The following CELSR1 variants were observed in gnomAD, a reference collection of about 807,000 sequenced individuals.
The protein encoded by CELSR1 is cadherin EGF LAG seven-pass G-type receptor 1, also known as adhesion G protein-coupled receptor C1.
In CELSR1, 110 loss-of-function variants were observed where a neutral mutation model predicts 249.1. That is an observed-to-expected ratio of 0.44 (90% CI 0.38 to 0.52). The LOEUF (loss-of-function observed/expected upper bound fraction) is 0.52, where lower values mean the gene tolerates loss of function less well. Among genes scored for constraint, CELSR1 ranks in the 20% least tolerant of loss-of-function variants. The probability of loss-of-function intolerance (pLI) is 0.00; values close to 1 mark genes in which losing one functional copy is unlikely to be tolerated. For missense variants in CELSR1, 4,109 were observed against 4,296.4 expected (o/e 0.96, Z 1.22); for synonymous variants, 2,113 against 1,900.0 (o/e 1.11, Z -2.92).
chr22:46,486,684 A>G (rs548863315), intron 1 of CELSR1, among the ~76,000 whole-genome samples: 22 of 152,128 alleles, frequency 1.4e-4, no homozygotes, highest in Admixed American at 1.2e-3. Context: ...CTCTACTAAA[A>G]ATACAAAAAT....
At chr22:46,483,372 A>C (rs1234288978) in intron 1 of CELSR1, among the ~76,000 whole-genome samples, 2 of 143,478 alleles carry the variant, frequency 1.4e-5, no homozygotes, top group Non-Finnish European at 3.0e-5. Flanking sequence ...TTATGGAAAC[A>C]TGCTATTCCT....
At chr22:46,387,120 C>T (rs2079042136) in intron 18 of CELSR1, among the ~76,000 whole-genome samples, 1 of 152,110 alleles carries the variant, frequency 6.6e-6, no homozygotes, top group South Asian at 2.1e-4. Context: ...TTACTAAGCT[C>T]ACAAAGTATA....
rs372172428 is a variant in CELSR1 at position 46,493,820 on chromosome 22, C to CT, written c.3545-29476dup. 4.2e-3 allele frequency among the ~76,000 whole-genome samples: 644 copies of CT among 152,282 alleles called. 2 individuals carry two copies. The highest frequency in any genetic ancestry group is 7.5e-3 in the Non-Finnish European group (508 of 68,024). The stretch of plus-strand genomic sequence containing the variant: ...AAGATGTGACTTTGATCCTCCTTTG[C>CT]TTTCCACCATGATTGTGAGGCCTCC... On this transcript the variant is annotated intron_variant, in intron 1 of 34. Coordinates refer to ENST00000674500, the MANE Select transcript of CELSR1 (RefSeq NM_001378328.1).
At position 46,412,403 on chromosome 22, in the gene CELSR1, T is replaced by C. The variant is rs1214535742; in HGVS notation, c.4612-644A>G. Among the ~76,000 whole-genome samples, 1 of 152,042 alleles carries C rather than the reference T, an allele frequency of 6.6e-6. No homozygotes were observed. The highest frequency in any genetic ancestry group is 1.5e-5 in the Non-Finnish European group (1 of 68,004). ...ACCCGCTTCTGCTCTTCTGGGGGTG[T>C]CCTCCTGACCACGGCACCTGGCCAG... On this transcript the variant is annotated intron_variant, in intron 5 of 34. Coordinates refer to ENST00000674500, the MANE Select transcript of CELSR1 (RefSeq NM_001378328.1). This position sits in a 1 kb window ranked among gnomAD's most constrained non-coding sequence, Gnocchi z 4.5.
chr22:46,365,083 C>A, intron 32 of CELSR1, 148 bp downstream of exon 32: 11 of 1,181,606 alleles, frequency 9.3e-6, no homozygotes, highest in Non-Finnish European at 1.3e-5. Context: ...GGGAGCCCAA[C>A]CAGAGTCCCC....
chr22:46,433,339 G>A lies in CELSR1; in HGVS notation c.4611+54C>T. ...CGTGAGCCACTGCGCCTCGCCCCAGGGCACCTTCTCGAGCCGCCCTGGGGC... is the reference window on the plus strand; with the variant it reads ...CGTGAGCCACTGCGCCTCGCCCCAGAGCACCTTCTCGAGCCGCCCTGGGGC... On this transcript the variant is annotated intron_variant, in intron 5 of 34. Coordinates refer to ENST00000674500, the MANE Select transcript of CELSR1 (RefSeq NM_001378328.1). The surrounding 1 kb of genome is among the most constrained non-coding windows in gnomAD (Gnocchi z 5.7). 1.4e-6 allele frequency: 2 copies of A among 1,430,410 alleles called. No homozygotes were observed. The highest frequency in any genetic ancestry group is 1.9e-6 in the Non-Finnish European group (2 of 1,025,900). 88.6% of individuals were successfully genotyped at this position (1,430,410 alleles called of 1,614,324 possible).
Position 46,439,208 on chromosome 22 carries a change from G to A in CELSR1, c.4387C>T (p.His1463Tyr). 1 of 1,613,708 alleles carries A rather than the reference G, an allele frequency of 6.2e-7. No homozygotes were observed. The highest frequency in any genetic ancestry group is 8.5e-7 in the Non-Finnish European group (1 of 1,179,696). Residue 1463 changes from histidine to tyrosine, a missense_variant, in exon 3 of 35, where the codon CAC (histidine) becomes TAC (tyrosine). Physicochemically the swap from His to Tyr is moderately conservative, Grantham distance 83. This residue lies in a region of CELSR1 where 453 missense variants were observed against 492.0 expected (regional missense o/e 0.92). Transcript: ENST00000674500. ...ACTCACGTGAGGGAGATGGTGAAGT[G>A]GAAGCGCTGTCTCAGGCCCCGGAAG... ...VTFRGLRQRFHFTISLTFATQ... is the reference protein window; with the variant it reads ...VTFRGLRQRFYFTISLTFATQ...
chr22:46,468,074 C>T lies in CELSR1; in HGVS notation c.3545-3729G>A, dbSNP rs1413932487. ...AAACATGGAAGTGACCTGCGTCCAC[C>T]GACAGATTAACGGATTAAAACAATG... On this transcript the variant is annotated intron_variant, in intron 1 of 34. Coordinates refer to ENST00000674500, the MANE Select transcript of CELSR1 (RefSeq NM_001378328.1). This position sits in a 1 kb window ranked among gnomAD's most constrained non-coding sequence, Gnocchi z 4.5. Among the ~76,000 whole-genome samples, 1 of 152,040 alleles carries T rather than the reference C, an allele frequency of 6.6e-6. No homozygotes were observed. Among genetic ancestry groups the T allele is most frequent in the Non-Finnish European group, 1.5e-5 (1 of 68,018 alleles).
chr22:46,536,466 C>G lies in CELSR1; in HGVS notation c.705G>C (p.Arg235=). 1 of 1,606,964 alleles carries G rather than the reference C, an allele frequency of 6.2e-7. No individual in the cohort carries two copies. Among genetic ancestry groups the G allele is most frequent in the Non-Finnish European group, 8.5e-7 (1 of 1,177,328 alleles). Residue 235 remains arginine, a synonymous_variant, in exon 1 of 35, where the codon CGG becomes CGC. Coordinates refer to ENST00000674500, the MANE Select transcript of CELSR1 (RefSeq NM_001378328.1). ...TCAGGCTCCCTCTGCCGCTCGTGCC[C>G]CGCCGGGCCCGTCGCGCCGGCCCCG... ...ARAGPARRAR[R]GTSGRGSLKF...
In CELSR1 at chr22:46,472,185, C is replaced by T. The variant is rs957775785; in HGVS notation, c.3545-7840G>A. ...GAGCAGACGGCAGAGCGCGAGGCTG[C>T]GGGGCCCTCCTGGCAGGTGCTGTAC... On this transcript the variant is annotated intron_variant, in intron 1 of 34. Coordinates refer to ENST00000674500, the MANE Select transcript of CELSR1 (RefSeq NM_001378328.1). The surrounding 1 kb of genome is among the most constrained non-coding windows in gnomAD (Gnocchi z 7.0). 3.3e-5 allele frequency among the ~76,000 whole-genome samples: 5 copies of T among 152,300 alleles called. No homozygotes were observed. The highest frequency in any genetic ancestry group is 6.5e-5 in the Admixed American group (1 of 15,290).
chr22:46,367,716 G>A lies in CELSR1; in HGVS notation c.8079+13C>T, dbSNP rs767633474. ...CAGGCAGGGGTCCCGCGGGCAACTC[G>A]GCCGTCACCTACCTGTAAGCCGCTG... On this transcript the variant is annotated intron_variant, in intron 28 of 34. Coordinates refer to ENST00000674500, the MANE Select transcript of CELSR1 (RefSeq NM_001378328.1). 2.7e-5 allele frequency: 43 copies of A among 1,587,214 alleles called. No homozygotes were observed. Among genetic ancestry groups the A allele is most frequent in the African/African-American group, 2.0e-4 (15 of 74,700 alleles).
rs1012550464 is a variant in CELSR1 at position 46,397,560 on chromosome 22, A to T, written c.5701+114T>A. 17 of 990,894 alleles carry T rather than the reference A, an allele frequency of 1.7e-5. No homozygotes were observed. In the African/African-American group the frequency reaches 2.9e-4, roughly 17 times the overall value. The allele number at this position is 990,894 out of a possible 1,614,324, so 61.4% of individuals were successfully genotyped here. A position where few individuals can be genotyped will look rare whatever the true frequency, so the allele number is the denominator to read the frequency against. On this transcript the variant is annotated intron_variant, in intron 12 of 34. Transcript: ENST00000674500. ...GTTATAAAATAAAGCTCAGGGCTCC[A>T]CGGAACCACAGGGAGTTGGCTGGGG...
chr22:46,377,334 G>C (rs998284565), intron 23 of CELSR1, 73 bp from the exon 24 acceptor site: 1 of 1,463,742 alleles, frequency 6.8e-7, no homozygotes, highest in Non-Finnish European at 9.4e-7. Context: ...GCATAACAGA[G>C]ATAAATTACA....
At chr22:46,400,637 G>C (rs2079201387) in intron 9 of CELSR1, among the ~76,000 whole-genome samples, 1 of 152,146 alleles carries the variant, frequency 6.6e-6, no homozygotes, top group Non-Finnish European at 1.5e-5. Flanking sequence ...GCGAGACTCT[G>C]TCTCAAAATA....
Position 46,399,649 on chromosome 22 carries a change from G to A in CELSR1, c.5412+68C>T, listed in dbSNP as rs569921348. On this transcript the variant is annotated intron_variant, in intron 10 of 34. Transcript: ENST00000674500. The surrounding 1 kb of genome is among the most constrained non-coding windows in gnomAD (Gnocchi z 5.0). The stretch of plus-strand genomic sequence containing the variant: ...TCTGGTGGGTCCTGGCACGTCAAGG[G>A]GTCATTCTGTTTTTCCCTGGGCCGG... 2.6e-6 allele frequency: 4 copies of A among 1,511,002 alleles called. No individual in the cohort carries two copies. The highest frequency in any genetic ancestry group is 4.5e-5 in the East Asian group (2 of 44,296). The allele number at this position is 1,511,002 out of a possible 1,614,324, so 93.6% of individuals were successfully genotyped here.
chr22:46,510,025 G>T (rs1344818508), intron 1 of CELSR1, among the ~76,000 whole-genome samples: 2 of 152,204 alleles, frequency 1.3e-5, no homozygotes, highest in Non-Finnish European at 2.9e-5. Flanking sequence ...GACAGCCCAT[G>T]TCCCTTTCCA....
Position 46,396,910 on chromosome 22 carries a change from G to A in CELSR1, c.5702-164C>T, listed in dbSNP as rs941389263. ...AGTCCCCGAAAACACAGCGTTAGGC[G>A]GGTTAGACTTAGTGATGCAGAGAGG... is the stretch of plus-strand genomic sequence containing the variant. On this transcript the variant is annotated intron_variant, in intron 12 of 34. Transcript: ENST00000674500. The surrounding 1 kb of genome is among the most constrained non-coding windows in gnomAD (Gnocchi z 6.4). Among the ~76,000 whole-genome samples, 2 of 152,142 alleles carry A rather than the reference G, an allele frequency of 1.3e-5. No individual in the cohort carries two copies. The highest frequency in any genetic ancestry group is 2.1e-4 in the South Asian group (1 of 4,830).
Position 46,518,036 on chromosome 22 carries a change from G to A in CELSR1, c.3544+15591C>T, listed in dbSNP as rs967977857. 2.0e-5 allele frequency among the ~76,000 whole-genome samples: 3 copies of A among 151,912 alleles called. No homozygotes were observed. Among genetic ancestry groups the A allele is most frequent in the African/African-American group, 7.3e-5 (3 of 41,310 alleles). On this transcript the variant is annotated intron_variant, in intron 1 of 34. Transcript: ENST00000674500. The surrounding 1 kb of genome is among the most constrained non-coding windows in gnomAD (Gnocchi z 5.2). ...TCCTGCCTCAGCCTCCCAAGTAGCT[G>A]GGATTACAGTCATGTGCCACCACAC...
chr22:46,385,813 G>A (rs1461670761), intron 19 of CELSR1, among the ~76,000 whole-genome samples: 1 of 151,948 alleles, frequency 6.6e-6, no homozygotes, highest in Non-Finnish European at 1.5e-5. Context: ...GAGTAGCTGG[G>A]ACTACAAACG....
Sources: allele counts gnomAD v4.1 joint callset (sites outside exome capture counted in the v4.1 genomes callset), GRCh38; gene constraint gnomAD v4.1.1; regional missense constraint gnomAD v4.1.1; non-coding constraint Gnocchi (gnomAD v3.1); transcripts MANE v1.5; gene names NCBI Gene and HGNC (gene_info 2026-07-23, HGNC 2026-07-21).